WWC1: variants seen among roughly 807,000 people sequenced by gnomAD.
The protein encoded by WWC1 is WW and C2 domain containing 1, also known as protein KIBRA.
A neutral mutation model predicts 138.4 loss-of-function variants in WWC1; 55 were observed. The observed-to-expected ratio is 0.40, with a 90% CI of 0.32 to 0.50. The LOEUF (loss-of-function observed/expected upper bound fraction) is 0.50. Among genes scored for constraint, WWC1 ranks in the 20% least tolerant of loss-of-function variants. The pLI, the probability that WWC1 is intolerant of heterozygous loss-of-function variation, is 0.72. For synonymous variants in WWC1, 524 were observed against 564.9 expected, an observed-to-expected ratio of 0.93 and a Z score of 1.03; for missense variants, 1,226 against 1,420.4, an observed-to-expected ratio of 0.86 and a Z score of 2.20.
intron 1 of WWC1, among the ~76,000 whole-genome samples, chr5:168,302,951 G>A (rs1021573339): frequency 6.6e-6 from 1 of 152,218 alleles, no homozygotes; most frequent in African/African-American, 2.4e-5. Context: ...CTCAGTTTGA[G>A]TCAGTGGATC....
intron 21 of WWC1, among the ~76,000 whole-genome samples, chr5:168,465,458 TATA>T (rs35940121): frequency 0.12 from 18,429 of 150,450 alleles, 1,895 homozygotes; most frequent in East Asian, 0.27. Context: ...TCTGCCCTGC[TATA>T]ATGAGTTTAA....
At chr5:168,457,119 C>T (rs951920973) in intron 19 of WWC1, among the ~76,000 whole-genome samples, 1 of 149,390 alleles carries the variant, frequency 6.7e-6, no homozygotes, top group East Asian at 2.0e-4. Context: ...ACGGAGATCA[C>T]ACTCCACAGG....
intron 1 of WWC1, among the ~76,000 whole-genome samples, chr5:168,368,864 G>C (rs1776523490): frequency 6.6e-6 from 1 of 152,150 alleles, no homozygotes; most frequent in Admixed American, 6.5e-5. Context: ...GGGTGGCCTG[G>C]AGACGGCTTT....
chr5:168,295,126 G>A (rs1266693551), intron 1 of WWC1, among the ~76,000 whole-genome samples: 4 of 152,058 alleles, frequency 2.6e-5, no homozygotes, highest in African/African-American at 7.2e-5. Context: ...ATTTCCCTCC[G>A]GCATACCCCA....
intron 19 of WWC1, 81 bp downstream of exon 19, chr5:168,455,601 T>C: frequency 6.5e-7 from 1 of 1,534,998 alleles, no homozygotes; most frequent in Non-Finnish European, 8.8e-7. Flanking sequence ...ATCCCATTAC[T>C]CTCATGTTAT....
At chr5:168,294,865 A>G (rs991309428) in intron 1 of WWC1, among the ~76,000 whole-genome samples, 14 of 152,126 alleles carry the variant, frequency 9.2e-5, no homozygotes, top group African/African-American at 3.1e-4. Flanking sequence ...AGCTCAGGCA[A>G]TCCGCCCACC....
intron 1 of WWC1, among the ~76,000 whole-genome samples, chr5:168,335,351 C>A (rs898545960): frequency 2.0e-5 from 3 of 152,206 alleles, no homozygotes; most frequent in Non-Finnish European, 4.4e-5. Flanking sequence ...CCAGCCATGG[C>A]GGCTCACACC....
At chr5:168,455,561 G>T in intron 19 of WWC1, 41 bp downstream of exon 19, 1 of 1,592,774 alleles carries the variant, frequency 6.3e-7, no homozygotes, top group Non-Finnish European at 8.5e-7. Context: ...CCTCAGGGTA[G>T]CCGAGAGCTT....
intron 5 of WWC1, among the ~76,000 whole-genome samples, chr5:168,404,028 C>T (rs545113963): frequency 6.6e-5 from 10 of 152,184 alleles, no homozygotes; most frequent in Admixed American, 2.0e-4. Context: ...CTCTCAGAGC[C>T]GCTCTCTGGA....
Position 168,429,868 on chromosome 5 carries a change from G to A in WWC1, c.2001-269G>A, listed in dbSNP as rs185230836. ...GAGGATCACCTGAGCCTGGGAGGTC[G>A]AGGCTACCATGAGCCCCGATCATGC... is the stretch of plus-strand genomic sequence containing the variant. On this transcript the variant is annotated intron_variant, in intron 13 of 22. Coordinates refer to ENST00000265293, the MANE Select transcript of WWC1 (RefSeq NM_015238.3). 4.7e-3 allele frequency among the ~76,000 whole-genome samples: 714 copies of A among 152,190 alleles called. 1 individual carries two copies. Among genetic ancestry groups the A allele is most frequent in the Non-Finnish European group, 8.0e-3 (546 of 68,012 alleles).
At chr5:168,313,597 A>G (rs1439642596) in intron 1 of WWC1, among the ~76,000 whole-genome samples, 1 of 149,048 alleles carries the variant, frequency 6.7e-6, no homozygotes, top group Non-Finnish European at 1.5e-5. Flanking sequence ...TCAAAAACGA[A>G]AAAAAAAAAA....
intron 1 of WWC1, among the ~76,000 whole-genome samples, chr5:168,365,054 GGAA>G (rs1244097943): frequency 1.3e-5 from 2 of 152,190 alleles, no homozygotes; most frequent in African/African-American, 4.8e-5. Context: ...CTGAATTAAA[GGAA>G]GAAGGACTTC....
At chr5:168,420,686 G>A (rs1019114401) in intron 9 of WWC1, among the ~76,000 whole-genome samples, 1 of 151,962 alleles carries the variant, frequency 6.6e-6, no homozygotes, top group African/African-American at 2.4e-5. Context: ...CTTAGCAGAT[G>A]CCATCTGCAG....
Position 168,322,305 on chromosome 5 carries a change from A to G in WWC1, c.119+30034A>G, listed in dbSNP as rs1015881619. ...AAAAAAAAAAAGTTTAAGAACTGCT[A>G]TCCTAGAGAAGGGTTGGAAACCCTT... On this transcript the variant is annotated intron_variant, in intron 1 of 22. Coordinates refer to ENST00000265293, the MANE Select transcript of WWC1 (RefSeq NM_015238.3). Among the ~76,000 whole-genome samples the G allele has an allele frequency of 8.5e-5, 13 of 152,136 alleles. No homozygotes were observed. The East Asian group carries it at 1.5e-3, about 18-fold the overall frequency.
At position 168,417,953 on chromosome 5, in the gene WWC1, C is replaced by T. The variant is rs143283516; in HGVS notation, c.1184+3363C>T. ...CAGCTGTTTCCTTCCAGCTCCATGT[C>T]AGTCTGTCTGTGTTCATCCTTCTGA... On this transcript the variant is annotated intron_variant, in intron 9 of 22. Coordinates refer to ENST00000265293, the MANE Select transcript of WWC1 (RefSeq NM_015238.3). Among the ~76,000 whole-genome samples the T allele has an allele frequency of 7.2e-3, 1,103 of 152,350 alleles. 12 individuals carry two copies. The highest frequency in any genetic ancestry group is 0.02 in the African/African-American group (847 of 41,588).
At chr5:168,403,871 T>C (rs372582118) in intron 5 of WWC1, among the ~76,000 whole-genome samples, 41 of 134,430 alleles carry the variant, frequency 3.0e-4, no homozygotes, top group Admixed American at 6.0e-4. Context: ...AACACATGCA[T>C]ACACACACAC....
Position 168,422,038 on chromosome 5 carries a change from T to C in WWC1, c.1215T>C (p.Leu405=). 6 of 1,612,408 alleles carry C rather than the reference T, an allele frequency of 3.7e-6. No individual in the cohort carries two copies. The highest frequency in any genetic ancestry group is 5.1e-6 in the Non-Finnish European group (6 of 1,179,006). The stretch of plus-strand genomic sequence containing the variant: ...AGTTAAACAGTAAGAGGAACCAGCT[T>C]GTGAGAGAACTGGAGGAAGCCACCC... ...RLKLNSKRNQ[L]VRELEEATRQ... The change falls in exon 10 of 23, where the codon CTT becomes CTC. Residue 405 remains leucine, a synonymous_variant. Transcript: ENST00000265293.
At chr5:168,425,968 T>C (rs1003767103) in intron 11 of WWC1, among the ~76,000 whole-genome samples, 1 of 152,190 alleles carries the variant, frequency 6.6e-6, no homozygotes, top group South Asian at 2.1e-4. Context: ...AAAAAGCTGG[T>C]GCTCCTGGCT....
At chr5:168,454,742 G>A (rs1480884620) in intron 18 of WWC1, among the ~76,000 whole-genome samples, 1 of 152,202 alleles carries the variant, frequency 6.6e-6, no homozygotes, top group African/African-American at 2.4e-5. Flanking sequence ...CCACACCAAG[G>A]GGGCATCATT....
Sources: gnomAD v4.1 joint callset for allele counts (sites outside exome capture counted in the v4.1 genomes callset) on GRCh38, gnomAD v4.1.1 for gene constraint, MANE v1.5 for transcripts, NCBI Gene and HGNC (gene_info 2026-07-23, HGNC 2026-07-21) for gene names.